FBXL17: variants seen among roughly 807,000 people sequenced by gnomAD.
FBXL17 encodes F-box/LRR-repeat protein 17.
A neutral mutation model predicts 66.2 loss-of-function variants in FBXL17; 22 were observed. The ratio of observed to expected loss-of-function variants is 0.33; its 90% confidence interval spans 0.24 to 0.47. The LOEUF (loss-of-function observed/expected upper bound fraction) is 0.47. Ranked by LOEUF, FBXL17 falls within the 20% of genes least tolerant of loss-of-function variation. FBXL17 has a pLI of 1.00. For missense variants in FBXL17, 878 were observed against 948.2 expected (o/e 0.93, Z 0.97); for synonymous variants, 474 against 400.5 (o/e 1.18, Z -2.19).
intron 7 of FBXL17, among the ~76,000 whole-genome samples, chr5:107,999,268 C>G (rs1421250871): frequency 2.6e-5 from 4 of 152,108 alleles, no homozygotes; most frequent in Non-Finnish European, 5.9e-5. Flanking sequence ...TAGGCATATA[C>G]TAGGTCTTCG....
intron 4 of FBXL17, among the ~76,000 whole-genome samples, chr5:108,338,624 A>G (rs548060790): frequency 1.3e-3 from 194 of 152,264 alleles, no homozygotes; most frequent in African/African-American, 4.2e-3. Flanking sequence ...TGCAACCTAG[A>G]TGTGGCTACA....
At chr5:108,160,128 G>A (rs1251839809) in intron 6 of FBXL17, among the ~76,000 whole-genome samples, 2 of 152,114 alleles carry the variant, frequency 1.3e-5, no homozygotes, top group Non-Finnish European at 2.9e-5. Flanking sequence ...ACGTTGGCCA[G>A]GTTTTACAAA....
At chr5:108,325,144 G>A (rs1490943838) in intron 4 of FBXL17, among the ~76,000 whole-genome samples, 8 of 151,978 alleles carry the variant, frequency 5.3e-5, no homozygotes, top group Admixed American at 5.2e-4. Context: ...TGTACTCACC[G>A]TCACTAAACT....
intron 7 of FBXL17, among the ~76,000 whole-genome samples, chr5:107,905,963 C>T (rs955343866): frequency 1.3e-5 from 2 of 151,860 alleles, no homozygotes; most frequent in Non-Finnish European, 2.9e-5. Flanking sequence ...TCAAACTCAG[C>T]AGGAATATAA....
At chr5:108,291,983 T>C (rs570815769) in intron 4 of FBXL17, among the ~76,000 whole-genome samples, 326 of 152,266 alleles carry the variant, frequency 2.1e-3, no homozygotes, top group Middle Eastern at 6.8e-3. Context: ...TTCCTTTAAT[T>C]TGTCTATCTC....
At chr5:108,222,831 T>G (rs561490136) in intron 5 of FBXL17, among the ~76,000 whole-genome samples, 4 of 151,892 alleles carry the variant, frequency 2.6e-5, no homozygotes, top group Non-Finnish European at 5.9e-5. Flanking sequence ...CACACCACCA[T>G]GCCCAGCTAA....
chr5:108,160,247 G>A (rs189898075), intron 6 of FBXL17, among the ~76,000 whole-genome samples: 16 of 152,176 alleles, frequency 1.1e-4, no homozygotes, highest in Admixed American at 2.0e-4. Context: ...AATAGGGTAA[G>A]TGTACTATAA....
At chr5:108,253,623 C>T (rs893321664) in intron 4 of FBXL17, among the ~76,000 whole-genome samples, 2 of 152,052 alleles carry the variant, frequency 1.3e-5, no homozygotes, top group Non-Finnish European at 2.9e-5. Context: ...TCTAACATTC[C>T]GCATTAACCA....
At chr5:107,965,121 T>C (rs1752071471) in intron 7 of FBXL17, among the ~76,000 whole-genome samples, 1 of 152,140 alleles carries the variant, frequency 6.6e-6, no homozygotes, top group South Asian at 2.1e-4. Context: ...GCACAATGGG[T>C]AAGTACATAC....
chr5:108,234,745 A>C (rs1196640747), intron 4 of FBXL17, among the ~76,000 whole-genome samples: 1 of 152,210 alleles, frequency 6.6e-6, no homozygotes, highest in Non-Finnish European at 1.5e-5. Flanking sequence ...ACATGGAAGC[A>C]TAGTAGAGAG....
intron 4 of FBXL17, among the ~76,000 whole-genome samples, chr5:108,320,067 C>T (rs1215197443): frequency 6.6e-6 from 1 of 151,704 alleles, no homozygotes; most frequent in Non-Finnish European, 1.5e-5. Context: ...GAACATTTAG[C>T]ATTACAAACT....
At chr5:108,258,640 G>A (rs1215133456) in intron 4 of FBXL17, among the ~76,000 whole-genome samples, 1 of 152,068 alleles carries the variant, frequency 6.6e-6, no homozygotes, top group Non-Finnish European at 1.5e-5. Context: ...CTCTAAGGAG[G>A]CTCAGTCTCT....
rs140560424 is a variant in FBXL17, at chr5:107,890,170, A to G, written c.1823-8991T>C. Among the ~76,000 whole-genome samples, 7 of 152,288 alleles carry G rather than the reference A, an allele frequency of 4.6e-5. 1 individual carries two copies. Among genetic ancestry groups the G allele is most frequent in the African/African-American group, 1.7e-4 (7 of 41,572 alleles). On this transcript the variant is annotated intron_variant, in intron 7 of 8. Transcript: ENST00000542267. Reference sequence around the variant, plus strand: ...TATCAAAGAATTATGTATCCTTTCCAAAATCCTGACATTACATTAGATTTC... The same window carrying G: ...TATCAAAGAATTATGTATCCTTTCCGAAATCCTGACATTACATTAGATTTC...
chr5:108,054,596 C>A (rs564949978), intron 6 of FBXL17, among the ~76,000 whole-genome samples: 2 of 152,146 alleles, frequency 1.3e-5, no homozygotes, highest in Admixed American at 1.3e-4. Flanking sequence ...TCCTAGTCAG[C>A]CTTTGCTGAA....
chr5:108,032,056 T>A (rs1459766653), intron 6 of FBXL17, among the ~76,000 whole-genome samples: 1 of 152,150 alleles, frequency 6.6e-6, no homozygotes. Flanking sequence ...CAAAGACAGA[T>A]AAATCTCTTC....
chr5:108,027,903 T>C (rs929372332), intron 6 of FBXL17, among the ~76,000 whole-genome samples: 3 of 152,144 alleles, frequency 2.0e-5, no homozygotes, highest in African/African-American at 7.2e-5. Flanking sequence ...ACCTCCTCCA[T>C]CTTTTAAGGT....
chr5:108,112,607 G>A (rs971932418), intron 6 of FBXL17, among the ~76,000 whole-genome samples: 6 of 152,066 alleles, frequency 3.9e-5, no homozygotes, highest in Non-Finnish European at 7.4e-5. Flanking sequence ...ATCCCATGAG[G>A]AGAAAAAACA....
chr5:108,188,552 G>A (rs1281288393), intron 5 of FBXL17, among the ~76,000 whole-genome samples: 2 of 152,154 alleles, frequency 1.3e-5, no homozygotes, highest in Non-Finnish European at 2.9e-5. Flanking sequence ...AATAACCACA[G>A]GTTAAGGGTT....
intron 5 of FBXL17, among the ~76,000 whole-genome samples, chr5:108,198,894 T>C (rs1266413807): frequency 6.6e-6 from 1 of 152,112 alleles, no homozygotes; most frequent in East Asian, 1.9e-4. Context: ...AAAGTTTTCC[T>C]TGATATTAAA....
Sources: allele counts gnomAD v4.1 joint callset (sites outside exome capture counted in the v4.1 genomes callset), GRCh38; gene constraint gnomAD v4.1.1; transcripts MANE v1.5; gene names NCBI Gene and HGNC (gene_info 2026-07-23, HGNC 2026-07-21).